The following NEGR1 variants were observed in gnomAD, a reference collection of about 807,000 sequenced individuals.
NEGR1 encodes the protein neuronal growth regulator 1, also known as IgLON family member 4.
NEGR1 carries 10 observed loss-of-function variants against 40.9 expected under a neutral mutation model. That is an observed-to-expected ratio of 0.24 (90% CI 0.15 to 0.42). The LOEUF is 0.42. NEGR1 is among the 10% of genes least tolerant of loss of function. The pLI is 1.00. For missense variants in NEGR1, 352 were observed against 438.9 expected (o/e 0.80, Z 1.77); for synonymous variants, 185 against 166.8 (o/e 1.11, Z -0.84).
At chr1:72,031,016 A>T (rs921564670) in intron 1 of NEGR1, among the ~76,000 whole-genome samples, 21 of 152,202 alleles carry the variant, frequency 1.4e-4, no homozygotes, top group African/African-American at 4.8e-4. Flanking sequence ...TGTTGCTTCC[A>T]TGGGGCAACT....
chr1:71,531,527 C>T (rs1359681438), intron 6 of NEGR1, among the ~76,000 whole-genome samples: 1 of 151,164 alleles, frequency 6.6e-6, no homozygotes, highest in African/African-American at 2.4e-5. Flanking sequence ...CTGTAGAGGA[C>T]AAAGGCATTA....
At chr1:71,824,892 ATCTAT>A (rs1658563113) in intron 2 of NEGR1, among the ~76,000 whole-genome samples, 1 of 151,866 alleles carries the variant, frequency 6.6e-6, no homozygotes, top group African/African-American at 2.4e-5. Flanking sequence ...CAATTTACCC[ATCTAT>A]TCTCTTATTT....
intron 2 of NEGR1, among the ~76,000 whole-genome samples, chr1:71,851,488 A>T (rs1453457166): frequency 6.6e-6 from 1 of 152,190 alleles, no homozygotes; most frequent in Non-Finnish European, 1.5e-5. Flanking sequence ...TTAGGAAATA[A>T]CACTTTTTAA....
intron 1 of NEGR1, among the ~76,000 whole-genome samples, chr1:72,051,503 C>G (rs1380806813): frequency 1.3e-5 from 2 of 151,420 alleles, no homozygotes; most frequent in Non-Finnish European, 3.0e-5. Flanking sequence ...GTTGTCATTT[C>G]TATTATGCGA....
At position 72,008,935 on chromosome 1, in the gene NEGR1, C is replaced by G. The variant is rs542571941; in HGVS notation, c.177-73624G>C. Reference sequence around the variant, plus strand: ...GAAGTCAAAAAGCTTCCATTAAAATCTGGTTCTAGTCCATACCAGTTAATT... The same window carrying G: ...GAAGTCAAAAAGCTTCCATTAAAATGTGGTTCTAGTCCATACCAGTTAATT... On this transcript the variant is annotated intron_variant, in intron 1 of 6. Coordinates refer to ENST00000357731, the MANE Select transcript of NEGR1 (RefSeq NM_173808.3). 6.6e-5 allele frequency among the ~76,000 whole-genome samples: 10 copies of G among 151,332 alleles called. No homozygotes were observed. The South Asian group carries it at 2.1e-3, about 32-fold the overall frequency.
intron 4 of NEGR1, among the ~76,000 whole-genome samples, chr1:71,619,691 A>T (rs1194208513): frequency 2.6e-5 from 4 of 152,096 alleles, no homozygotes. Context: ...AGCATGAGGT[A>T]TTTAATACCT....
chr1:72,045,887 A>T lies in NEGR1; in HGVS notation c.177-110576T>A, dbSNP rs559598135. ...AATTTCGAAAGAATATCTTAAAATG[A>T]CATGAGTCCAGGTGGATTTTGTAAA... On this transcript the variant is annotated intron_variant, in intron 1 of 6. Transcript: ENST00000357731. Among the ~76,000 whole-genome samples, 13 of 151,930 alleles carry T rather than the reference A, an allele frequency of 8.6e-5. No individual in the cohort carries two copies. The East Asian group carries it at 2.5e-3, about 29-fold the overall frequency.
At chr1:71,681,764 C>T (rs1302271941) in intron 4 of NEGR1, among the ~76,000 whole-genome samples, 2 of 152,168 alleles carry the variant, frequency 1.3e-5, no homozygotes, top group South Asian at 2.1e-4. Context: ...GACATTTACA[C>T]TCTATTCTTT....
rs55674579 is a variant in NEGR1, at chr1:71,898,981, CATATAT to C, written c.409+36092_409+36097del. 1.8e-3 allele frequency among the ~76,000 whole-genome samples: 90 copies of C among 51,298 alleles called. 1 individual carries two copies. The highest frequency in any genetic ancestry group is 0.012 in the South Asian group (19 of 1,528). The allele number at this position is 51,298 out of a possible 152,430, so 33.7% of individuals were successfully genotyped here. A position where few individuals can be genotyped will look rare whatever the true frequency, so the allele number is the denominator to read the frequency against. Reference sequence around the variant, plus strand: ...ATATATAGCATATATATATATATAGCATATATATATATATATATATATATATATATA... The same window carrying C: ...ATATATAGCATATATATATATATAGCATATATATATATATATATATATATA... On this transcript the variant is annotated intron_variant, in intron 2 of 6. Transcript: ENST00000357731.
chr1:71,647,333 A>G (rs1651565944), intron 4 of NEGR1, among the ~76,000 whole-genome samples: 1 of 151,882 alleles, frequency 6.6e-6, no homozygotes. Context: ...TAGCCTTACA[A>G]ATAACTGTTA....
At chr1:71,928,461 CAT>C (rs1195488294) in intron 2 of NEGR1, among the ~76,000 whole-genome samples, 1 of 132,820 alleles carries the variant, frequency 7.5e-6, no homozygotes, top group African/African-American at 2.8e-5. Flanking sequence ...TATATACACA[CAT>C]ACTTATATAT....
intron 2 of NEGR1, among the ~76,000 whole-genome samples, chr1:71,824,041 C>T (rs1040678866): frequency 6.6e-6 from 1 of 151,878 alleles, no homozygotes; most frequent in Non-Finnish European, 1.5e-5. Flanking sequence ...ATTACATTTA[C>T]CAGTGTGGGA....
intron 3 of NEGR1, among the ~76,000 whole-genome samples, chr1:71,721,167 A>G (rs192351278): frequency 6.6e-6 from 1 of 152,250 alleles, no homozygotes; most frequent in East Asian, 1.9e-4. Context: ...TTGCTTGGCC[A>G]CCCACCTACC....
intron 1 of NEGR1, among the ~76,000 whole-genome samples, chr1:72,014,155 C>T (rs1030288334): frequency 6.6e-6 from 1 of 151,550 alleles, no homozygotes; most frequent in East Asian, 1.9e-4. Flanking sequence ...TAAGTTCTCA[C>T]GTTTTAAAGT....
At chr1:71,913,870 A>C (rs1035373286) in intron 2 of NEGR1, among the ~76,000 whole-genome samples, 10 of 151,222 alleles carry the variant, frequency 6.6e-5, no homozygotes, top group African/African-American at 2.2e-4. Flanking sequence ...AAAAAAAAAA[A>C]CAGTGATAAC....
chr1:71,897,633 T>C (rs903200642), intron 2 of NEGR1, among the ~76,000 whole-genome samples: 9 of 152,192 alleles, frequency 5.9e-5, no homozygotes, highest in Non-Finnish European at 7.4e-5. Flanking sequence ...CTTTAAAATA[T>C]AGAATGAATT....
intron 6 of NEGR1, among the ~76,000 whole-genome samples, chr1:71,537,977 C>T (rs1647562075): frequency 6.6e-6 from 1 of 151,608 alleles, no homozygotes. Context: ...TGGAATATAT[C>T]ACTGTGGGCT....
At chr1:71,953,053 A>C (rs1476599149) in intron 1 of NEGR1, among the ~76,000 whole-genome samples, 1 of 151,974 alleles carries the variant, frequency 6.6e-6, no homozygotes, top group African/African-American at 2.4e-5. Flanking sequence ...ATGTACAAGA[A>C]GATTAATGTT....
At chr1:71,732,909 G>C (rs556151778) in intron 3 of NEGR1, among the ~76,000 whole-genome samples, 1 of 151,948 alleles carries the variant, frequency 6.6e-6, no homozygotes, top group African/African-American at 2.4e-5. Flanking sequence ...AATGTTTTTC[G>C]ATTTTCAAAT....
Sources: allele counts gnomAD v4.1 joint callset (sites outside exome capture counted in the v4.1 genomes callset), GRCh38; gene constraint gnomAD v4.1.1; transcripts MANE v1.5; gene names NCBI Gene and HGNC (gene_info 2026-07-23, HGNC 2026-07-21).